RALGAPB: variants seen among roughly 807,000 people sequenced by gnomAD.
RALGAPB encodes the protein Ral GTPase activating protein non-catalytic subunit beta.
RALGAPB carries 25 observed loss-of-function variants against 161.1 expected under a neutral mutation model. The observed-to-expected ratio is 0.16, with a 90% CI of 0.11 to 0.22. The LOEUF (loss-of-function observed/expected upper bound fraction) is 0.22. RALGAPB is among the 10% of genes least tolerant of loss of function. The probability of loss-of-function intolerance (pLI) is 1.00; values close to 1 mark genes in which losing one functional copy is unlikely to be tolerated. For missense variants in RALGAPB, 1,391 were observed against 1,815.2 expected, an observed-to-expected ratio of 0.77 and a Z score of 4.25; for synonymous variants, 629 against 626.1, an observed-to-expected ratio of 1.00 and a Z score of -0.07.
chr20:38,566,351 T>C (rs1236861872), intron 25 of RALGAPB, among the ~76,000 whole-genome samples: 1 of 152,180 alleles, frequency 6.6e-6, no homozygotes, highest in Non-Finnish European at 1.5e-5. Context: ...TTACTACTTA[T>C]AATTCCAGAA....
At chr20:38,480,623 G>T (rs186035079) in intron 1 of RALGAPB, among the ~76,000 whole-genome samples, 115 of 151,656 alleles carry the variant, frequency 7.6e-4, no homozygotes, top group African/African-American at 2.6e-3. Flanking sequence ...CTGACCTCAG[G>T]TGATTTCACC....
At chr20:38,556,720 G>C (rs1210427645) in intron 22 of RALGAPB, among the ~76,000 whole-genome samples, 1 of 151,974 alleles carries the variant, frequency 6.6e-6, no homozygotes, top group African/African-American at 2.4e-5. Flanking sequence ...ACAAGCTGAG[G>C]AAATACCTTA....
intron 18 of RALGAPB, 111 bp from the exon 19 acceptor site, chr20:38,546,132 A>AT: frequency 6.4e-7 from 1 of 1,551,454 alleles, no homozygotes; most frequent in Non-Finnish European, 8.7e-7. Flanking sequence ...GTCAAGAAGC[A>AT]TGGCTGTGGT....
rs752044338 is a variant in RALGAPB, at chr20:38,525,506, A to G, written c.1890A>G (p.Thr630=). Residue 630 remains threonine, a synonymous_variant, in exon 12 of 30, where the codon ACA becomes ACG. Transcript: ENST00000262879. ...TGCCCCTCCCTCATCATTTTGGCAC[A>G]GTCAAATCTGAGGTAATGTTTTGTT... ...SLLPLPHHFG[T]VKSEVVLEGK... is the part of the protein sequence containing the mutation. 6 of 1,599,846 alleles carry G rather than the reference A, an allele frequency of 3.8e-6. No homozygotes were observed. In the East Asian group the frequency reaches 8.9e-5, roughly 24 times the overall value.
At chr20:38,553,151 A>G (rs1237466137) in intron 21 of RALGAPB, among the ~76,000 whole-genome samples, 1 of 152,190 alleles carries the variant, frequency 6.6e-6, no homozygotes, top group Non-Finnish European at 1.5e-5. Context: ...AGCCCTGGAA[A>G]GCAGGGCACA....
intron 9 of RALGAPB, 134 bp downstream of exon 9, chr20:38,518,134 T>C: frequency 1.2e-6 from 1 of 813,726 alleles, no homozygotes; most frequent in East Asian, 2.7e-5. Flanking sequence ...TGTCTTGTGC[T>C]TAACCCCTTC....
chr20:38,546,772 A>C, intron 19 of RALGAPB: 1 of 241,166 alleles, frequency 4.1e-6, no homozygotes, highest in African/African-American at 2.2e-5. Context: ...CTCACTCCTC[A>C]TGTTCTGTAT....
intron 1 of RALGAPB, among the ~76,000 whole-genome samples, chr20:38,483,196 A>G (rs780762840): frequency 4.6e-5 from 7 of 152,158 alleles, no homozygotes; most frequent in Non-Finnish European, 8.8e-5. Flanking sequence ...GCCTTATTCT[A>G]TTATTATCCC....
intron 6 of RALGAPB, among the ~76,000 whole-genome samples, chr20:38,510,084 A>G (rs2085888966): frequency 6.6e-6 from 1 of 151,924 alleles, no homozygotes; most frequent in South Asian, 2.1e-4. Context: ...GTTCTTTTAT[A>G]TACCTCAGGA....
At chr20:38,475,983 C>G (rs1013690624) in intron 1 of RALGAPB, among the ~76,000 whole-genome samples, 3 of 152,066 alleles carry the variant, frequency 2.0e-5, no homozygotes, top group Non-Finnish European at 4.4e-5. Flanking sequence ...ATTATTTGGT[C>G]AGTTTTTAGG....
At chr20:38,521,719 T>C (rs371857114) in intron 10 of RALGAPB, 21 bp downstream of exon 10, 3 of 1,611,254 alleles carry the variant, frequency 1.9e-6, no homozygotes, top group Non-Finnish European at 2.5e-6. Context: ...TTTTGTTTGT[T>C]TTTTCATTTA....
chr20:38,554,000 C>A lies in RALGAPB; in HGVS notation c.3296C>A (p.Pro1099Gln), dbSNP rs138852733. 4.3e-6 allele frequency: 7 copies of A among 1,613,662 alleles called. No individual in the cohort carries two copies. The African/African-American group carries it at 9.4e-5, about 22-fold the overall frequency. Residue 1099 changes from proline (P) to glutamine (Q), a missense_variant, in exon 22 of 30, where the codon CCG becomes CAG. By Grantham distance (76) the Pro-to-Gln change is moderately conservative (BLOSUM62 -1). This residue lies in a region of RALGAPB where 436 missense variants were observed against 527.0 expected (regional missense o/e 0.83). Coordinates refer to ENST00000262879, the MANE Select transcript of RALGAPB (RefSeq NM_020336.4). ...GACCCAGTTACGGATTGCAAGCCCCCGCCTCCTGCCCAGGAATTCCAAACA... is the reference window on the plus strand; with the variant it reads ...GACCCAGTTACGGATTGCAAGCCCCAGCCTCCTGCCCAGGAATTCCAAACA... ...FPDPVTDCKP[P>Q]PPAQEFQTAR...
intron 1 of RALGAPB, among the ~76,000 whole-genome samples, chr20:38,477,479 G>A (rs2084840189): frequency 6.6e-6 from 1 of 152,122 alleles, no homozygotes; most frequent in South Asian, 2.1e-4. Flanking sequence ...GTGTTTGATA[G>A]GATCTCTAAT....
chr20:38,501,882 T>G (rs534718207), intron 5 of RALGAPB, among the ~76,000 whole-genome samples: 1 of 152,002 alleles, frequency 6.6e-6, no homozygotes, highest in Admixed American at 6.6e-5. Flanking sequence ...TTGAAAAAAT[T>G]AAGAAAAAAT....
intron 23 of RALGAPB, among the ~76,000 whole-genome samples, chr20:38,561,193 C>G (rs1384231778): frequency 6.6e-5 from 10 of 152,124 alleles, no homozygotes; most frequent in Non-Finnish European, 1.5e-4. Context: ...GGTGTGGTGG[C>G]GGGAGCCTGT....
chr20:38,516,101 G>T, intron 6 of RALGAPB, 91 bp from the exon 7 acceptor site: 1 of 979,554 alleles, frequency 1.0e-6, no homozygotes, highest in Non-Finnish European at 1.5e-6. Context: ...CAGAGAAATA[G>T]GCACAGTCCT....
At chr20:38,567,039 G>A in intron 25 of RALGAPB, 57 bp from the exon 26 acceptor site, 1 of 1,567,222 alleles carries the variant, frequency 6.4e-7, no homozygotes. Context: ...AGTTTTAACA[G>A]CCTTGCTCCA....
chr20:38,564,048 T>C (rs1833423031), intron 24 of RALGAPB, among the ~76,000 whole-genome samples: 1 of 152,182 alleles, frequency 6.6e-6, no homozygotes, highest in Non-Finnish European at 1.5e-5. Context: ...AGAATGACTC[T>C]GGTAGAGAGA....
intron 20 of RALGAPB, 116 bp downstream of exon 20, chr20:38,548,911 A>C: frequency 1.2e-6 from 1 of 821,862 alleles, no homozygotes; most frequent in Non-Finnish European, 2.0e-6. Context: ...CCAGATTCTC[A>C]GTCAGTGGGT....
Sources: gnomAD v4.1 joint callset for allele counts (sites outside exome capture counted in the v4.1 genomes callset) on GRCh38, gnomAD v4.1.1 for gene constraint, gnomAD v4.1.1 regional missense constraint, MANE v1.5 for transcripts, NCBI Gene and HGNC (gene_info 2026-07-23, HGNC 2026-07-21) for gene names.